GBE1: variants seen among roughly 807,000 people sequenced by gnomAD.
GBE1 encodes 1,4-alpha-glucan-branching enzyme.
A neutral mutation model predicts 88.8 loss-of-function variants in GBE1; 70 were observed. The ratio of observed to expected loss-of-function variants is 0.79; its 90% confidence interval spans 0.65 to 0.96. The LOEUF (loss-of-function observed/expected upper bound fraction) is 0.96, where lower values mean the gene tolerates loss of function less well. GBE1 is among the 40% of genes least tolerant of loss of function. The probability of loss-of-function intolerance (pLI) is 0.00; values close to 1 mark genes in which losing one functional copy is unlikely to be tolerated. For missense variants in GBE1, 872 were observed against 871.0 expected (o/e 1.00, Z -0.01); for synonymous variants, 284 against 300.1 (o/e 0.95, Z 0.56).
intron 2 of GBE1, among the ~76,000 whole-genome samples, chr3:81,678,437 A>G (rs1172324041): frequency 1.3e-5 from 2 of 152,172 alleles, no homozygotes; most frequent in Non-Finnish European, 2.9e-5. Flanking sequence ...GTTTTAAATA[A>G]AAGTATGTGT....
intron 7 of GBE1, among the ~76,000 whole-genome samples, chr3:81,608,015 T>C (rs557948249): frequency 4.2e-4 from 64 of 152,348 alleles, no homozygotes; most frequent in African/African-American, 1.5e-3. Flanking sequence ...TAAGATTAAC[T>C]GTGTATTAAC....
intron 7 of GBE1, among the ~76,000 whole-genome samples, chr3:81,627,988 A>G (rs976546849): frequency 6.6e-6 from 1 of 152,020 alleles, no homozygotes; most frequent in Non-Finnish European, 1.5e-5. Context: ...TTTAAATCTT[A>G]TAATAGCTCC....
At chr3:81,750,623 ATATATACG>A (rs1559708728) in intron 1 of GBE1, among the ~76,000 whole-genome samples, 741 of 65,962 alleles carry the variant, frequency 0.011, 94 homozygotes, top group African/African-American at 0.066. Flanking sequence ...ATATGTATAT[ATATATACG>A]TATATATATA....
chr3:81,639,689 G>A (rs981774772), intron 7 of GBE1, among the ~76,000 whole-genome samples: 2 of 152,100 alleles, frequency 1.3e-5, no homozygotes, highest in East Asian at 3.9e-4. Flanking sequence ...CATATAAAAT[G>A]GCAGCTTGCA....
chr3:81,575,261 T>C (rs1050625244), intron 12 of GBE1, among the ~76,000 whole-genome samples: 5 of 152,118 alleles, frequency 3.3e-5, no homozygotes, highest in Admixed American at 2.6e-4. Context: ...TTATTTCATA[T>C]ATGATAGAAT....
At chr3:81,493,537 T>C (rs1161313103) in intron 15 of GBE1, among the ~76,000 whole-genome samples, 1 of 151,970 alleles carries the variant, frequency 6.6e-6, no homozygotes, top group African/African-American at 2.4e-5. Context: ...AAATTTTTTT[T>C]TTTTTTTCTT....
rs185154281 is a variant in GBE1, at chr3:81,612,174, T to C, written c.993-18151A>G. 1,833 of 310,934 alleles carry C rather than the reference T, an allele frequency of 5.9e-3. 6 individuals carry two copies. The highest frequency in any genetic ancestry group is 0.012 in the Middle Eastern group (12 of 982). The allele number at this position is 310,934 out of a possible 1,614,324, so 19.3% of individuals were successfully genotyped here. A position where few individuals can be genotyped will look rare whatever the true frequency, so the allele number is the denominator to read the frequency against. On this transcript the variant is annotated intron_variant, in intron 7 of 15. Transcript: ENST00000429644. ...ACATTTTCTTTATCAAGATTACGTA[T>C]CTACTAAAATCATGCCACTTTTACA...
chr3:81,731,063 G>A (rs760326400), intron 1 of GBE1, among the ~76,000 whole-genome samples: 2 of 152,088 alleles, frequency 1.3e-5, no homozygotes, highest in Non-Finnish European at 2.9e-5. Context: ...TAGGCTGAGA[G>A]GCAAAGTAGA....
At chr3:81,536,588 T>C (rs759176717) in intron 13 of GBE1, among the ~76,000 whole-genome samples, 9 of 152,066 alleles carry the variant, frequency 5.9e-5, no homozygotes, top group Non-Finnish European at 1.2e-4. Flanking sequence ...TCCAAACAAT[T>C]AAGATGTTTC....
At chr3:81,745,680 G>C (rs181647883) in intron 1 of GBE1, among the ~76,000 whole-genome samples, 2 of 151,982 alleles carry the variant, frequency 1.3e-5, no homozygotes, top group East Asian at 3.9e-4. Flanking sequence ...ACAAATGACA[G>C]GTAAAATATC....
At chr3:81,613,618 T>G (rs1704210504) in intron 7 of GBE1, among the ~76,000 whole-genome samples, 1 of 152,168 alleles carries the variant, frequency 6.6e-6, no homozygotes, top group Non-Finnish European at 1.5e-5. Flanking sequence ...TTCAGTGGGT[T>G]AAGTGGGCAT....
chr3:81,721,747 C>T (rs948418355), intron 1 of GBE1, among the ~76,000 whole-genome samples: 2 of 152,146 alleles, frequency 1.3e-5, no homozygotes, highest in Admixed American at 1.3e-4. Context: ...ATGTTTCTCT[C>T]AGCATGTTTC....
intron 3 of GBE1, among the ~76,000 whole-genome samples, chr3:81,665,992 G>A (rs570714606): frequency 7.5e-5 from 4 of 53,072 alleles, no homozygotes; most frequent in African/African-American, 2.8e-4. Flanking sequence ...TTTTATAGTC[G>A]AATGCTTAGC....
intron 2 of GBE1, among the ~76,000 whole-genome samples, chr3:81,702,106 T>A (rs63749559): frequency 0.26 from 2,685 of 10,410 alleles, 116 homozygotes; most frequent in East Asian, 0.48. Flanking sequence ...AGAGAGAGTG[T>A]GTGTGTGTGT....
chr3:81,655,886 TTA>T (rs563802998), intron 3 of GBE1, among the ~76,000 whole-genome samples: 244 of 152,318 alleles, frequency 1.6e-3, no homozygotes, highest in Middle Eastern at 6.8e-3. Context: ...TAGATAGAAT[TTA>T]TAATCGCTAA....
At chr3:81,591,568 C>T (rs976100459) in intron 8 of GBE1, among the ~76,000 whole-genome samples, 6 of 151,956 alleles carry the variant, frequency 3.9e-5, no homozygotes, top group Non-Finnish European at 7.4e-5. Flanking sequence ...AATAGGAAAA[C>T]CATCATAAAA....
chr3:81,588,955 T>C (rs1453982782), intron 9 of GBE1, among the ~76,000 whole-genome samples: 1 of 152,076 alleles, frequency 6.6e-6, no homozygotes, highest in East Asian at 1.9e-4. Flanking sequence ...TTCTAGAAAG[T>C]TGCCTCATTA....
intron 12 of GBE1, among the ~76,000 whole-genome samples, chr3:81,552,144 C>T (rs562261864): frequency 2.6e-5 from 4 of 152,292 alleles, no homozygotes; most frequent in African/African-American, 7.2e-5. Flanking sequence ...ATTACAATTG[C>T]TTGGGGTGGT....
chr3:81,722,103 T>G (rs6798809), intron 1 of GBE1, among the ~76,000 whole-genome samples: 2 of 152,200 alleles, frequency 1.3e-5, no homozygotes, highest in African/African-American at 4.8e-5. Flanking sequence ...AAATCCCTCT[T>G]AAGAATTCTC....
Sources: allele counts gnomAD v4.1 joint callset (sites outside exome capture counted in the v4.1 genomes callset), GRCh38; gene constraint gnomAD v4.1.1; transcripts MANE v1.5; gene names NCBI Gene and HGNC (gene_info 2026-07-23, HGNC 2026-07-21).